The following MTERF4 variants were observed in gnomAD, a reference collection of about 807,000 sequenced individuals.
MTERF4 encodes mitochondrial transcription termination factor 4.
MTERF4 carries 17 observed loss-of-function variants against 22.5 expected under a neutral mutation model. The ratio of observed to expected loss-of-function variants is 0.75; its 90% CI spans 0.52 to 1.13. The LOEUF (loss-of-function observed/expected upper bound fraction) is 1.13. MTERF4 is among the 50% of genes most tolerant of loss of function. The probability of loss-of-function intolerance (pLI) is 0.00; values close to 1 mark genes in which losing one functional copy is unlikely to be tolerated. For missense variants in MTERF4, 420 were observed against 466.8 expected (o/e 0.90, Z 0.92); for synonymous variants, 165 against 175.3 (o/e 0.94, Z 0.47).
At chr2:241,071,652 G>A (rs370597255), downstream of MTERF4, 753 of 1,571,940 alleles carry the variant, frequency 4.8e-4, no homozygotes, top group Non-Finnish European at 6.0e-4. Context: ...GACCGCCCCC[G>A]GCGCGCCTGC....
chr2:241,074,215 G>A (rs1013813499), exon 5 of MTERF4: 1 of 152,094 alleles, frequency 6.6e-6, no homozygotes, highest in African/African-American at 2.4e-5. Context: ...TCAAGGACAT[G>A]TGTACACATC....
chr2:241,100,004 C>G, intron 1 of MTERF4, 110 bp from the exon 2 acceptor site: 2 of 1,356,022 alleles, frequency 1.5e-6, no homozygotes, highest in South Asian at 1.5e-5. Flanking sequence ...CACAAACATA[C>G]AATTTTTATA....
chr2:241,060,890 G>C, the MTERF4 span, among the ~76,000 whole-genome samples: 2 of 152,016 alleles, frequency 1.3e-5, no homozygotes, highest in African/African-American at 4.8e-5. Context: ...TGATTGCACC[G>C]CTGCATTCCA....
chr2:241,079,772 A>G (rs1371783036), intron 4 of MTERF4, among the ~76,000 whole-genome samples: 1 of 152,216 alleles, frequency 6.6e-6, no homozygotes, highest in East Asian at 1.9e-4. Flanking sequence ...GATTTTAATA[A>G]GAGTAGTCTG....
chr2:241,046,171 T>C, the MTERF4 span, among the ~76,000 whole-genome samples: 1 of 152,184 alleles, frequency 6.6e-6, no homozygotes, highest in Non-Finnish European at 1.5e-5. Context: ...CTGGTGTAGA[T>C]ACAGAGCAAC....
the MTERF4 span, among the ~76,000 whole-genome samples, chr2:241,046,353 C>T: frequency 6.6e-6 from 1 of 152,200 alleles, no homozygotes; most frequent in Admixed American, 6.5e-5. Flanking sequence ...AATCCATATA[C>T]AGATGTTTAT....
At chr2:241,100,133 A>C in intron 1 of MTERF4, 1 of 462,354 alleles carries the variant, frequency 2.2e-6, no homozygotes, top group Non-Finnish European at 3.8e-6. Context: ...TAGCTTTTGC[A>C]GCTTTAAGGA....
At chr2:241,087,738 TG>T, downstream of MTERF4, 3 of 1,295,342 alleles carry the variant, frequency 2.3e-6, no homozygotes, top group Non-Finnish European at 3.0e-6. Flanking sequence ...ACACAGAACA[TG>T]GTGCTACAAT....
chr2:241,071,701 A>AACCCC, downstream of MTERF4: 1 of 1,281,790 alleles, frequency 7.8e-7, no homozygotes, highest in Non-Finnish European at 1.1e-6. Context: ...CGCCCCCGAG[A>AACCCC]CCCCCACCCA....
the MTERF4 span, among the ~76,000 whole-genome samples, chr2:241,061,834 C>T: frequency 6.8e-6 from 1 of 146,466 alleles, no homozygotes; most frequent in African/African-American, 2.5e-5. Flanking sequence ...GCCTGGGCAA[C>T]GAGCGAAACT....
intron 4 of MTERF4, among the ~76,000 whole-genome samples, chr2:241,078,696 C>T (rs1575099666): frequency 1.3e-5 from 2 of 151,906 alleles, no homozygotes; most frequent in African/African-American, 2.4e-5. Context: ...TCTGAGGTCA[C>T]GAAAATGTTC....
chr2:241,062,208 G>C, the MTERF4 span, among the ~76,000 whole-genome samples: 1 of 152,134 alleles, frequency 6.6e-6, no homozygotes, highest in Non-Finnish European at 1.5e-5. Flanking sequence ...GATTCTTATC[G>C]CAAGGGAAGA....
At chr2:241,081,834 G>A (rs2063343334) in intron 4 of MTERF4, 2 of 1,434,156 alleles carry the variant, frequency 1.4e-6, no homozygotes, top group Non-Finnish European at 1.9e-6. Flanking sequence ...TTCCAACACA[G>A]CCTGTGCCTC....
Position 241,097,445 on chromosome 2 carries a change from A to C in MTERF4, c.521-18T>G. The C allele has an allele frequency of 6.2e-7, 1 of 1,604,192 alleles. No individual in the cohort carries two copies. Among genetic ancestry groups the C allele is most frequent in the Non-Finnish European group, 8.5e-7 (1 of 1,174,180 alleles). On this transcript the variant is annotated intron_variant, in intron 2 of 3. Coordinates refer to ENST00000391980, the MANE Select transcript of MTERF4 (RefSeq NM_182501.4). Reference sequence around the variant, plus strand: ...TAATTTCCCTGCAGAACATTCAAAAAAGGCAAGCATATAATTTCAGGATAC... The same window carrying C: ...TAATTTCCCTGCAGAACATTCAAAACAGGCAAGCATATAATTTCAGGATAC...
At chr2:241,043,590 A>C in the MTERF4 span, among the ~76,000 whole-genome samples, 1 of 152,222 alleles carries the variant, frequency 6.6e-6, no homozygotes, top group Non-Finnish European at 1.5e-5. Flanking sequence ...GAAGAGTGTT[A>C]AAAATGATAA....
downstream of MTERF4, chr2:241,071,767 CTGT>C: frequency 6.4e-7 from 1 of 1,566,660 alleles, no homozygotes; most frequent in Non-Finnish European, 8.7e-7. Flanking sequence ...GGCGCTCGGA[CTGT>C]GGTGACCCTC....
chr2:241,069,997 C>T (rs1330435814), downstream of MTERF4: 3 of 1,612,980 alleles, frequency 1.9e-6, no homozygotes, highest in Non-Finnish European at 2.5e-6. This position sits in a 1 kb window ranked among gnomAD's most constrained non-coding sequence, Gnocchi z 4.9. Flanking sequence ...TGCCCCGACT[C>T]CAGGCAGCTT....
the MTERF4 span, chr2:241,065,635 GC>G: frequency 6.3e-7 from 1 of 1,581,562 alleles, no homozygotes; most frequent in Non-Finnish European, 8.6e-7. Context: ...CCCAGCCCCT[GC>G]CCCTCGAGGG....
At chr2:241,050,003 T>G in the MTERF4 span, 1 of 1,072,778 alleles carries the variant, frequency 9.3e-7, no homozygotes, top group Non-Finnish European at 1.4e-6. Context: ...CCGTCCTGCT[T>G]CTCTGCTGTC....
Sources: gnomAD v4.1 joint callset for allele counts (sites outside exome capture counted in the v4.1 genomes callset) on GRCh38, gnomAD v4.1.1 for gene constraint, Gnocchi (gnomAD v3.1) non-coding constraint, MANE v1.5 for transcripts, NCBI Gene and HGNC (gene_info 2026-07-23, HGNC 2026-07-21) for gene names.